ERBB4: variants seen among roughly 807,000 people sequenced by gnomAD.
The protein encoded by ERBB4 is erb-b2 receptor tyrosine kinase 4.
A neutral mutation model predicts 158.0 loss-of-function variants in ERBB4; 42 were observed. The observed-to-expected ratio is 0.27, with a 90% confidence interval of 0.21 to 0.34. ERBB4 has a LOEUF of 0.34. ERBB4 is among the 10% of genes least tolerant of loss of function. ERBB4 has a pLI of 1.00. For synonymous variants in ERBB4, 583 were observed against 558.7 expected, an observed-to-expected ratio of 1.04 and a Z score of -0.61; for missense variants, 1,333 against 1,624.1, an observed-to-expected ratio of 0.82 and a Z score of 3.08.
intron 25 of ERBB4, among the ~76,000 whole-genome samples, chr2:211,415,662 A>C (rs888922971): frequency 4.9e-4 from 74 of 152,252 alleles, no homozygotes; most frequent in African/African-American, 1.5e-3. Flanking sequence ...AAGTTATGAA[A>C]TCTAATCTGA....
chr2:212,204,808 T>C lies in ERBB4; in HGVS notation c.83-79905A>G, dbSNP rs547180885. On this transcript the variant is annotated intron_variant, in intron 1 of 27. Coordinates refer to ENST00000342788, the MANE Select transcript of ERBB4 (RefSeq NM_005235.3). ...TTTGTCTCCCAAAAGATATTATTTA[T>C]ATGAAAACTTTTTTTTTTTTTTTTT... Among the ~76,000 whole-genome samples the C allele has an allele frequency of 2.1e-5, 3 of 146,210 alleles. No individual in the cohort carries two copies. The Admixed American group carries it at 2.2e-4, about 11-fold the overall frequency.
At chr2:212,189,196 T>G (rs1459334378) in intron 1 of ERBB4, among the ~76,000 whole-genome samples, 2 of 152,136 alleles carry the variant, frequency 1.3e-5, no homozygotes, top group Admixed American at 1.3e-4. Context: ...AAGTTGGCAT[T>G]CAAAAAGTTT....
chr2:211,643,628 C>T lies in ERBB4; in HGVS notation c.1947-13034G>A, dbSNP rs113897147. Among the ~76,000 whole-genome samples the T allele has an allele frequency of 4.0e-3, 610 of 152,138 alleles. 4 individuals carry two copies. The highest frequency in any genetic ancestry group is 0.013 in the African/African-American group (552 of 41,516). The stretch of plus-strand genomic sequence containing the variant: ...AAAAACATAAATGAAGTCAATGGCC[C>T]TTTCCTTTCTTGTTAACACTTACTA... On this transcript the variant is annotated intron_variant, in intron 16 of 27. Transcript: ENST00000342788.
chr2:212,193,184 C>T (rs981311303), intron 1 of ERBB4, among the ~76,000 whole-genome samples: 5 of 152,088 alleles, frequency 3.3e-5, no homozygotes, highest in African/African-American at 1.2e-4. Context: ...TTTATAACTC[C>T]AGGGTGCTTT....
chr2:211,908,202 G>A (rs758517067), intron 3 of ERBB4, among the ~76,000 whole-genome samples: 2 of 151,824 alleles, frequency 1.3e-5, no homozygotes, highest in African/African-American at 2.4e-5. Context: ...GAGCTTGGGT[G>A]TTGATGACAG....
chr2:212,469,908 T>A (rs542350610), intron 1 of ERBB4, among the ~76,000 whole-genome samples: 26 of 152,258 alleles, frequency 1.7e-4, no homozygotes, highest in African/African-American at 6.0e-4. Flanking sequence ...GGATGGAACA[T>A]CAGTTATCTT....
At chr2:212,068,852 T>C (rs1472749289) in intron 2 of ERBB4, among the ~76,000 whole-genome samples, 1 of 152,074 alleles carries the variant, frequency 6.6e-6, no homozygotes, top group Non-Finnish European at 1.5e-5. Context: ...GTTTTGACCA[T>C]AGGGATAGCA....
chr2:211,900,058 A>G (rs1347893943), intron 3 of ERBB4, among the ~76,000 whole-genome samples: 5 of 152,124 alleles, frequency 3.3e-5, no homozygotes, highest in Non-Finnish European at 1.5e-5. Flanking sequence ...TCTTATGCCA[A>G]TTCCCACAGA....
intron 3 of ERBB4, among the ~76,000 whole-genome samples, chr2:211,828,201 G>A (rs150460681): frequency 1.2e-3 from 181 of 152,240 alleles, no homozygotes; most frequent in African/African-American, 4.2e-3. Context: ...GGAAATCAGT[G>A]TTCTATCAGT....
At chr2:212,159,191 A>T (rs1285392563) in intron 1 of ERBB4, among the ~76,000 whole-genome samples, 1 of 151,802 alleles carries the variant, frequency 6.6e-6, no homozygotes, top group East Asian at 1.9e-4. Flanking sequence ...CCACTTGCAG[A>T]TCCTGATCCT....
At chr2:211,716,939 C>T (rs2073938609) in intron 7 of ERBB4, among the ~76,000 whole-genome samples, 1 of 152,144 alleles carries the variant, frequency 6.6e-6, no homozygotes, top group Admixed American at 6.5e-5. Flanking sequence ...TAATTTCACA[C>T]AATAGGTCTT....
chr2:211,458,910 A>T (rs2064456950), intron 20 of ERBB4, among the ~76,000 whole-genome samples: 1 of 152,188 alleles, frequency 6.6e-6, no homozygotes, highest in African/African-American at 2.4e-5. Flanking sequence ...GGTGTAAAAA[A>T]ATGGTATTGA....
At chr2:212,329,733 C>T (rs1170238400) in intron 1 of ERBB4, among the ~76,000 whole-genome samples, 5 of 152,024 alleles carry the variant, frequency 3.3e-5, no homozygotes, top group Admixed American at 6.6e-5. Flanking sequence ...TTCTGCTGGC[C>T]TAGTGTCACT....
intron 1 of ERBB4, among the ~76,000 whole-genome samples, chr2:212,424,930 T>C (rs1322033576): frequency 1.3e-5 from 2 of 152,058 alleles, no homozygotes; most frequent in East Asian, 1.9e-4. Context: ...CTATGACCCA[T>C]GTCATTTTAG....
At position 212,293,095 on chromosome 2, in the gene ERBB4, A is replaced by G. The variant is rs556844707; in HGVS notation, c.83-168192T>C. ...CAGTAGCTCCACATAATAACCTAGA[A>G]CAATTTTTAAATAAATAAAACTCAA... On this transcript the variant is annotated intron_variant, in intron 1 of 27. Coordinates refer to ENST00000342788, the MANE Select transcript of ERBB4 (RefSeq NM_005235.3). Among the ~76,000 whole-genome samples, 5 of 152,152 alleles carry G rather than the reference A, an allele frequency of 3.3e-5. No homozygotes were observed. The East Asian group carries it at 7.8e-4, about 24-fold the overall frequency.
At chr2:212,083,613 T>C (rs991870814) in intron 2 of ERBB4, among the ~76,000 whole-genome samples, 5 of 151,644 alleles carry the variant, frequency 3.3e-5, no homozygotes, top group Non-Finnish European at 5.9e-5. Context: ...TGTTAAAAGA[T>C]AGTTTGGATT....
At chr2:211,865,813 A>G (rs2078190757) in intron 3 of ERBB4, among the ~76,000 whole-genome samples, 2 of 152,162 alleles carry the variant, frequency 1.3e-5, no homozygotes, top group African/African-American at 4.8e-5. Context: ...CTATCTCCAA[A>G]ATAGATTATG....
At chr2:212,004,965 C>T (rs2076225559) in intron 2 of ERBB4, among the ~76,000 whole-genome samples, 1 of 151,984 alleles carries the variant, frequency 6.6e-6, no homozygotes, top group Non-Finnish European at 1.5e-5. Context: ...CTCATAGGTC[C>T]TTACTTAATC....
intron 1 of ERBB4, among the ~76,000 whole-genome samples, chr2:212,187,188 C>G (rs1397164008): frequency 6.6e-6 from 1 of 151,964 alleles, no homozygotes; most frequent in African/African-American, 2.4e-5. Context: ...AATCACAATA[C>G]TATACTATAA....
Sources: gnomAD v4.1 joint callset for allele counts (sites outside exome capture counted in the v4.1 genomes callset) on GRCh38, gnomAD v4.1.1 for gene constraint, MANE v1.5 for transcripts, NCBI Gene and HGNC (gene_info 2026-07-23, HGNC 2026-07-21) for gene names.